The following ZNF875 variants were observed in gnomAD, a reference collection of about 807,000 sequenced individuals.
ZNF875 encodes HKR1, GLI-Kruppel zinc finger family member.
A neutral mutation model predicts 11.2 loss-of-function variants in ZNF875; 14 were observed. The observed-to-expected ratio is 1.26, with a 90% CI of 0.83 to 1.96. The LOEUF (loss-of-function observed/expected upper bound fraction) is 1.96, where lower values mean the gene tolerates loss of function less well. Ranked by LOEUF, ZNF875 falls within the 30% of genes most tolerant of loss-of-function variation. The probability of loss-of-function intolerance (pLI) is 0.00; values close to 1 mark genes in which losing one functional copy is unlikely to be tolerated. For missense variants in ZNF875, 752 were observed against 760.4 expected (o/e 0.99, Z 0.13); for synonymous variants, 301 against 281.1 (o/e 1.07, Z -0.71).
Position 37,363,170 on chromosome 19 carries a change from C to T in ZNF875, c.1318C>T (p.His440Tyr). The change falls in exon 5 of 5, where the codon CAC (histidine) becomes TAC (tyrosine). Residue 440 changes from histidine to tyrosine, a missense_variant. Transcript: ENST00000392153. Reference protein sequence around the residue: ...HFSWKSNLKTHQRTHSGVKPY... With the variant: ...HFSWKSNLKTYQRTHSGVKPY... ...TAGCTGGAAATCAAACCTCAAAACA[C>T]ACCAGAGGACACACTCAGGGGTTAA... The T allele has an allele frequency of 6.2e-7, 1 of 1,614,090 alleles. No homozygotes were observed. The highest frequency in any genetic ancestry group is 8.5e-7 in the Non-Finnish European group (1 of 1,179,992).
chr19:37,328,059 C>T (rs1214424229), intron 4 of ZNF875, among the ~76,000 whole-genome samples: 1 of 151,984 alleles, frequency 6.6e-6, no homozygotes, highest in African/African-American at 2.4e-5. Context: ...CTGACCAACA[C>T]GGAGAAACCC....
chr19:37,348,335 TA>T (rs892887744), intron 4 of ZNF875, among the ~76,000 whole-genome samples: 17 of 152,156 alleles, frequency 1.1e-4, no homozygotes, highest in African/African-American at 4.1e-4. Flanking sequence ...GCTTAAGAAA[TA>T]AAAAATGACC....
At chr19:37,320,254 A>G (rs1345287335) in intron 1 of ZNF875, among the ~76,000 whole-genome samples, 2 of 152,216 alleles carry the variant, frequency 1.3e-5, no homozygotes, top group African/African-American at 4.8e-5. Flanking sequence ...AAATTTTCAC[A>G]TACCTCTAGC....
At chr19:37,347,121 C>T in intron 2 of ZNF875, 69 bp from the exon 3 acceptor site, 3 of 1,608,166 alleles carry the variant, frequency 1.9e-6, no homozygotes, top group Non-Finnish European at 8.5e-7. Context: ...CTGGCCTTGA[C>T]CTCTCATTCT....
At chr19:37,351,934 T>C (rs777661537) in intron 4 of ZNF875, among the ~76,000 whole-genome samples, 34 of 152,172 alleles carry the variant, frequency 2.2e-4, no homozygotes, top group Non-Finnish European at 4.7e-4. Flanking sequence ...GTCATATTGG[T>C]AATATTTTTC....
intron 4 of ZNF875, among the ~76,000 whole-genome samples, chr19:37,329,535 GA>G (rs2033060921): frequency 6.6e-6 from 1 of 152,160 alleles, no homozygotes; most frequent in Non-Finnish European, 1.5e-5. Flanking sequence ...GATGCATGCA[GA>G]TAAATGTTTA....
chr19:37,327,380 T>TA (rs2145769209), intron 4 of ZNF875, among the ~76,000 whole-genome samples: 1 of 152,342 alleles, frequency 6.6e-6, no homozygotes, highest in South Asian at 2.1e-4. Flanking sequence ...TAGGATGTAA[T>TA]ATCTCACTGT....
chr19:37,362,979 G>C lies in ZNF875; in HGVS notation c.1127G>C (p.Arg376Pro), dbSNP rs117126119. 4 of 1,614,060 alleles carry C rather than the reference G, an allele frequency of 2.5e-6. No homozygotes were observed. In the East Asian group the frequency reaches 8.9e-5, roughly 36 times the overall value. Residue 376 changes from arginine to proline, a missense_variant, in exon 5 of 5, where the codon CGC becomes CCC. Physicochemically the swap from Arg to Pro is moderately radical, Grantham distance 103. Transcript: ENST00000392153. ...YVCRECGRGF[R>P]QHSHLVRHKR... ...TGCAGGGAATGTGGGCGTGGCTTTC[G>C]CCAGCATTCACACCTGGTCAGACAC...
intron 4 of ZNF875, among the ~76,000 whole-genome samples, chr19:37,348,681 TG>T (rs2037290564): frequency 6.6e-6 from 1 of 152,230 alleles, no homozygotes; most frequent in Non-Finnish European, 1.5e-5. Context: ...ATTCCATTTT[TG>T]TTGGACAGTT....
At chr19:37,324,170 C>T (rs2032020324) in intron 3 of ZNF875, 1 of 152,198 alleles carries the variant, frequency 6.6e-6, no homozygotes, top group Non-Finnish European at 1.5e-5. Flanking sequence ...ATAGAGAAAT[C>T]ACCAGTCACT....
At chr19:37,361,550 T>A (rs1015521341) in intron 4 of ZNF875, among the ~76,000 whole-genome samples, 2 of 152,112 alleles carry the variant, frequency 1.3e-5, no homozygotes, top group Non-Finnish European at 2.9e-5. Flanking sequence ...AAACCATTTT[T>A]AGCTGGCAGG....
At chr19:37,316,436 C>G (rs1244654085), upstream of ZNF875, among the ~76,000 whole-genome samples, 1 of 152,168 alleles carries the variant, frequency 6.6e-6, no homozygotes, top group Non-Finnish European at 1.5e-5. Flanking sequence ...ATATCGCGAT[C>G]TCGGCTCACT....
rs532303057 is a variant in ZNF875, at chr19:37,343,868, G to A, written c.34-3322G>A. Among the ~76,000 whole-genome samples the A allele has an allele frequency of 8.5e-5, 13 of 152,270 alleles. No homozygotes were observed. The South Asian group carries it at 2.7e-3, about 32-fold the overall frequency. On this transcript the variant is annotated intron_variant, in intron 2 of 4. Coordinates refer to ENST00000392153, the MANE Select transcript of ZNF875 (RefSeq NM_001353803.2). ...ACAATGCTTTTGGCCGCAAGCAACA[G>A]TAAACCTAATTTAGGCTGTTCTAAA...
chr19:37,361,193 G>T (rs1484724555), intron 4 of ZNF875, among the ~76,000 whole-genome samples: 3 of 143,644 alleles, frequency 2.1e-5, no homozygotes, highest in African/African-American at 7.8e-5. Flanking sequence ...TCACTGCAAC[G>T]TCCGCCTCCG....
chr19:37,321,888 A>G (rs1184271719), intron 1 of ZNF875, among the ~76,000 whole-genome samples: 1 of 152,198 alleles, frequency 6.6e-6, no homozygotes, highest in Non-Finnish European at 1.5e-5. Context: ...ATATGTCAGA[A>G]AAAATTAAAG....
intron 2 of ZNF875, 90 bp downstream of exon 2, chr19:37,335,347 G>A (rs1055642666): frequency 4.8e-6 from 3 of 625,466 alleles, no homozygotes; most frequent in African/African-American, 1.8e-5. Context: ...TTGGTATTGG[G>A]CAAAGTCATT....
At chr19:37,361,904 G>T in intron 4 of ZNF875, 1 of 533,948 alleles carries the variant, frequency 1.9e-6, no homozygotes, top group East Asian at 3.1e-5. Context: ...GTGAAAGAAA[G>T]ACTCCGTTTA....
rs2038372208 is a variant in ZNF875, at chr19:37,353,762, T to C, written c.256+5890T>C. On this transcript the variant is annotated intron_variant, in intron 4 of 4. Coordinates refer to ENST00000392153, the MANE Select transcript of ZNF875 (RefSeq NM_001353803.2). ...AATTTTTGTTGAGTAATTATTATAT[T>C]GTTCTTTTATATTTTGATCTTCTCT... 2.0e-5 allele frequency among the ~76,000 whole-genome samples: 3 copies of C among 152,198 alleles called. No individual in the cohort carries two copies. In the South Asian group the frequency reaches 6.2e-4, roughly 31 times the overall value.
chr19:37,323,254 A>G (rs1158050721), intron 2 of ZNF875, among the ~76,000 whole-genome samples: 1 of 151,962 alleles, frequency 6.6e-6, no homozygotes, highest in Non-Finnish European at 1.5e-5. Context: ...CCTGGGTTCA[A>G]GCAATTCTCT....
Sources: allele counts gnomAD v4.1 joint callset (sites outside exome capture counted in the v4.1 genomes callset), GRCh38; gene constraint gnomAD v4.1.1; transcripts MANE v1.5; gene names NCBI Gene and HGNC (gene_info 2026-07-23, HGNC 2026-07-21).